STARD13: variants seen among roughly 807,000 people sequenced by gnomAD.
STARD13 encodes stAR-related lipid transfer protein 13.
Under a neutral mutation model 106.4 loss-of-function variants are expected in STARD13, and 62 were observed. That is an observed-to-expected ratio of 0.58 (90% confidence interval 0.48 to 0.72). The LOEUF is 0.72. STARD13 is among the 30% of genes least tolerant of loss of function. The pLI is 0.00. For synonymous variants in STARD13, 565 were observed against 553.0 expected (o/e 1.02, Z -0.31); for missense variants, 1,387 against 1,424.0 (o/e 0.97, Z 0.42).
chr13:33,477,036 C>T, the STARD13 span, among the ~76,000 whole-genome samples: 1 of 152,184 alleles, frequency 6.6e-6, no homozygotes, highest in Non-Finnish European at 1.5e-5. Flanking sequence ...CCGATTTTGA[C>T]AGATAAAATT....
chr13:33,227,836 T>G (rs1888702064), intron 1 of STARD13, among the ~76,000 whole-genome samples: 1 of 151,970 alleles, frequency 6.6e-6, no homozygotes, highest in African/African-American at 2.4e-5. Context: ...TGCCAGGAGC[T>G]GTGTCAGGTA....
At chr13:33,260,190 T>C (rs1408480925) in intron 1 of STARD13, among the ~76,000 whole-genome samples, 1 of 152,176 alleles carries the variant, frequency 6.6e-6, no homozygotes, top group African/African-American at 2.4e-5. Flanking sequence ...TTTCTAACTT[T>C]CCAGCTAGTG....
At chr13:33,338,308 C>T (rs2077919310) in intron 1 of STARD13, among the ~76,000 whole-genome samples, 1 of 152,156 alleles carries the variant, frequency 6.6e-6, no homozygotes, top group Non-Finnish European at 1.5e-5. Flanking sequence ...ACTCATTGAT[C>T]TTTAAAGTTA....
At chr13:33,597,462 ACAGAATTATC>A in the STARD13 span, among the ~76,000 whole-genome samples, 1 of 152,100 alleles carries the variant, frequency 6.6e-6, no homozygotes, top group Non-Finnish European at 1.5e-5. Context: ...TTCTTGGTTA[ACAGAATTATC>A]CAGACTTTTC....
chr13:33,465,413 G>A, the STARD13 span, among the ~76,000 whole-genome samples: 1 of 152,036 alleles, frequency 6.6e-6, no homozygotes. Flanking sequence ...CACCATCTTA[G>A]CCAGGATGGT....
intron 3 of STARD13, among the ~76,000 whole-genome samples, chr13:33,149,059 GA>G (rs1198173255): frequency 6.6e-6 from 1 of 152,156 alleles, no homozygotes; most frequent in Non-Finnish European, 1.5e-5. Flanking sequence ...TTGGGGAGAG[GA>G]GGAGTGGAAA....
chr13:33,662,257 G>A, the STARD13 span, among the ~76,000 whole-genome samples: 21 of 133,252 alleles, frequency 1.6e-4, no homozygotes, highest in Non-Finnish European at 2.3e-4. Flanking sequence ...GCAAGACCCC[G>A]TCTCAAAAAA....
chr13:33,387,127 T>C, the STARD13 span, among the ~76,000 whole-genome samples: 1 of 152,098 alleles, frequency 6.6e-6, no homozygotes, highest in East Asian at 1.9e-4. Context: ...CACTTCAGCC[T>C]CTCCAGTAGC....
intron 1 of STARD13, among the ~76,000 whole-genome samples, chr13:33,185,320 T>C (rs532652532): frequency 6.6e-6 from 1 of 152,338 alleles, no homozygotes; most frequent in East Asian, 1.9e-4. Flanking sequence ...AAATAAAGAC[T>C]TTCTTGTATA....
the STARD13 span, among the ~76,000 whole-genome samples, chr13:33,427,951 G>A: frequency 5.0e-5 from 6 of 120,286 alleles, no homozygotes; most frequent in African/African-American, 1.7e-4. Flanking sequence ...GCGAAACTCC[G>A]TCTCAAAAAA....
chr13:33,109,865 A>G lies in STARD13; in HGVS notation c.3047+8T>C. 11 of 1,613,756 alleles carry G rather than the reference A, an allele frequency of 6.8e-6. No individual in the cohort carries two copies. The highest frequency in any genetic ancestry group is 9.3e-6 in the Non-Finnish European group (11 of 1,179,594). On this transcript the variant is annotated splice_region_variant and intron_variant, in intron 12 of 13. Coordinates refer to ENST00000336934, the MANE Select transcript of STARD13 (RefSeq NM_178006.4). Reference sequence around the variant, plus strand: ...ACAGAACATCATAAACCCTAGAGTCAGGCTCACCTGAGAACCACAAAGTCT... The same window carrying G: ...ACAGAACATCATAAACCCTAGAGTCGGGCTCACCTGAGAACCACAAAGTCT...
chr13:33,287,512 T>C (rs1892114973), upstream of STARD13, among the ~76,000 whole-genome samples: 1 of 152,168 alleles, frequency 6.6e-6, no homozygotes, highest in Non-Finnish European at 1.5e-5. Context: ...CATTCTTATT[T>C]AGGATTTGAG....
chr13:33,128,925 C>T lies in STARD13; in HGVS notation c.1748+4G>A. On this transcript the variant is annotated splice_donor_region_variant and intron_variant, in intron 5 of 13. Coordinates refer to ENST00000336934, the MANE Select transcript of STARD13 (RefSeq NM_178006.4). The stretch of plus-strand genomic sequence containing the variant: ...AAATCATTTCACAAGTGCATGCCAC[C>T]TACCTGTTTGGCCTGGTCAGAGAGG... The T allele has an allele frequency of 1.9e-6, 3 of 1,594,430 alleles. No homozygotes were observed. The highest frequency in any genetic ancestry group is 1.7e-6 in the Non-Finnish European group (2 of 1,171,962).
intron 1 of STARD13, among the ~76,000 whole-genome samples, chr13:33,223,833 T>G (rs972108006): frequency 6.6e-6 from 1 of 152,148 alleles, no homozygotes; most frequent in African/African-American, 2.4e-5. Flanking sequence ...ATAATAATAT[T>G]TATGTCATAT....
intron 1 of STARD13, among the ~76,000 whole-genome samples, chr13:33,282,697 A>G (rs570990388): frequency 2.6e-5 from 4 of 152,350 alleles, no homozygotes; most frequent in South Asian, 2.1e-4. Context: ...TAATGCTGTC[A>G]TTAATTTTAT....
chr13:33,593,049 G>A, the STARD13 span, among the ~76,000 whole-genome samples: 1 of 152,200 alleles, frequency 6.6e-6, no homozygotes, highest in Non-Finnish European at 1.5e-5. Context: ...CTCCATGGGT[G>A]CACTAGGTCA....
At chr13:33,374,081 C>T in the STARD13 span, among the ~76,000 whole-genome samples, 1 of 152,094 alleles carries the variant, frequency 6.6e-6, no homozygotes, top group African/African-American at 2.4e-5. Flanking sequence ...GTGGTATATA[C>T]CTACAGTAAA....
At chr13:33,542,616 G>A in the STARD13 span, among the ~76,000 whole-genome samples, 1 of 152,232 alleles carries the variant, frequency 6.6e-6, no homozygotes, top group East Asian at 1.9e-4. Context: ...GCCCGCTGGC[G>A]CCGCCCCGGG....
At chr13:33,364,269 C>G in the STARD13 span, among the ~76,000 whole-genome samples, 1 of 152,022 alleles carries the variant, frequency 6.6e-6, no homozygotes, top group Non-Finnish European at 1.5e-5. Flanking sequence ...AGTTCGAGAC[C>G]AACCTAAGCA....
Sources: gnomAD v4.1 joint callset for allele counts (sites outside exome capture counted in the v4.1 genomes callset) on GRCh38, gnomAD v4.1.1 for gene constraint, MANE v1.5 for transcripts, NCBI Gene and HGNC (gene_info 2026-07-23, HGNC 2026-07-21) for gene names.